The following SH3D19 variants were observed in gnomAD, a reference collection of about 807,000 sequenced individuals.
SH3D19 encodes the protein SH3 domain containing 19, also known as SH3 domain-containing protein 19.
SH3D19 carries 58 observed loss-of-function variants against 112.1 expected under a neutral mutation model. The observed-to-expected ratio is 0.52, with a 90% CI of 0.42 to 0.64. SH3D19 has a LOEUF of 0.64. SH3D19 is among the 30% of genes least tolerant of loss of function. SH3D19 has a pLI of 0.00. For synonymous variants in SH3D19, 391 were observed against 448.5 expected (o/e 0.87, Z 1.62); for missense variants, 1,090 against 1,263.4 (o/e 0.86, Z 2.08).
At chr4:151,238,677 C>T (rs536173687) in intron 1 of SH3D19, among the ~76,000 whole-genome samples, 5 of 152,040 alleles carry the variant, frequency 3.3e-5, no homozygotes, top group Non-Finnish European at 5.9e-5. Flanking sequence ...AGGATTCTTC[C>T]GATCTGTGAC....
chr4:151,291,226 A>C (rs1431922720), intron 1 of SH3D19: 1 of 1,613,874 alleles, frequency 6.2e-7, no homozygotes, highest in Admixed American at 1.7e-5. Flanking sequence ...AGTCTACACC[A>C]ATGTAATCTA....
intron 2 of SH3D19, among the ~76,000 whole-genome samples, chr4:151,218,413 G>GT (rs912244716): frequency 1.5e-4 from 22 of 150,246 alleles, no homozygotes; most frequent in African/African-American, 4.5e-4. Context: ...ACTATGCAGA[G>GT]TTTTTTTTTT....
intron 11 of SH3D19, among the ~76,000 whole-genome samples, chr4:151,147,409 C>T (rs1754122782): frequency 6.6e-6 from 1 of 150,652 alleles, no homozygotes; most frequent in African/African-American, 2.4e-5. Context: ...CCTGCTTTCT[C>T]TCCTCTTTCC....
At chr4:151,200,458 G>C (rs1343906467) in intron 2 of SH3D19, among the ~76,000 whole-genome samples, 1 of 151,976 alleles carries the variant, frequency 6.6e-6, no homozygotes, top group East Asian at 1.9e-4. Flanking sequence ...AATATTAAAG[G>C]TTCATCATTT....
chr4:151,265,770 G>C (rs111330688), intron 1 of SH3D19, among the ~76,000 whole-genome samples: 346 of 151,300 alleles, frequency 2.3e-3, no homozygotes, highest in African/African-American at 7.9e-3. Flanking sequence ...AGAGACATGG[G>C]GTTTCTCCAT....
At chr4:151,291,179 T>C (rs1775302176) in intron 1 of SH3D19, 1 of 1,613,820 alleles carries the variant, frequency 6.2e-7, no homozygotes, top group Admixed American at 1.7e-5. Context: ...ACAGGAGTAG[T>C]AAGCTGGGGA....
At chr4:151,162,420 G>T (rs1202442289) in intron 8 of SH3D19, among the ~76,000 whole-genome samples, 1 of 151,356 alleles carries the variant, frequency 6.6e-6, no homozygotes, top group Non-Finnish European at 1.5e-5. Context: ...CGAACTCCTA[G>T]AATTCAATTT....
At chr4:151,324,713 G>C (rs1343079183) in intron 1 of SH3D19, among the ~76,000 whole-genome samples, 1 of 151,494 alleles carries the variant, frequency 6.6e-6, no homozygotes, top group Non-Finnish European at 1.5e-5. Flanking sequence ...CTTTGCGTGG[G>C]GGAGGGTCTC....
chr4:151,277,587 G>C (rs1773763828), intron 1 of SH3D19, among the ~76,000 whole-genome samples: 1 of 152,156 alleles, frequency 6.6e-6, no homozygotes, highest in Admixed American at 6.5e-5. Flanking sequence ...GCCTCACTAA[G>C]AAGGAGTCAT....
At chr4:151,305,836 A>C (rs1263118624) in intron 1 of SH3D19, among the ~76,000 whole-genome samples, 1 of 152,210 alleles carries the variant, frequency 6.6e-6, no homozygotes, top group Non-Finnish European at 1.5e-5. Context: ...TGTTTACAGC[A>C]GCTTATTCAT....
intron 1 of SH3D19, among the ~76,000 whole-genome samples, chr4:151,309,306 T>C (rs928637034): frequency 4.6e-5 from 7 of 152,194 alleles, no homozygotes; most frequent in Non-Finnish European, 1.0e-4. Flanking sequence ...CAATGATAAC[T>C]CACCACACTG....
intron 1 of SH3D19, among the ~76,000 whole-genome samples, chr4:151,306,430 C>T (rs6535787): frequency 0.57 from 86,112 of 151,960 alleles, 25,229 homozygotes; most frequent in African/African-American, 0.72. Context: ...GTTCCTGACA[C>T]ATATTTAGTA....
chr4:151,267,164 A>T (rs1051359971), intron 1 of SH3D19, among the ~76,000 whole-genome samples: 3 of 86,764 alleles, frequency 3.5e-5, no homozygotes, highest in Admixed American at 1.2e-4. Flanking sequence ...CTCTAAAAAA[A>T]AAAAAAAATA....
chr4:151,282,747 T>C (rs1774374421), intron 1 of SH3D19, among the ~76,000 whole-genome samples: 1 of 151,850 alleles, frequency 6.6e-6, no homozygotes, highest in Non-Finnish European at 1.5e-5. Flanking sequence ...AAGTTTTACG[T>C]CAACTCTTTC....
intron 2 of SH3D19, among the ~76,000 whole-genome samples, chr4:151,201,896 CAGATA>C (rs1357305626): frequency 6.6e-6 from 1 of 150,914 alleles, no homozygotes; most frequent in Non-Finnish European, 1.5e-5. Context: ...CCTGTAATCT[CAGATA>C]ATGGAGAGGT....
At chr4:151,325,124 A>T in intron 1 of SH3D19, 117 bp downstream of exon 1, 1 of 473,604 alleles carries the variant, frequency 2.1e-6, no homozygotes, top group Non-Finnish European at 3.3e-6. Context: ...TCTGAGAGTT[A>T]AAGAAGCCGG....
chr4:151,279,732 A>G, intron 1 of SH3D19: 1 of 1,476,014 alleles, frequency 6.8e-7, no homozygotes, highest in African/African-American at 1.4e-5. Flanking sequence ...GAATGATGAT[A>G]AGGTGGGGAC....
intron 2 of SH3D19, among the ~76,000 whole-genome samples, chr4:151,225,360 A>G (rs1768823672): frequency 6.6e-6 from 1 of 152,236 alleles, no homozygotes; most frequent in South Asian, 2.1e-4. Context: ...AGTCCTGCCT[A>G]TGAGAAGTCA....
chr4:151,292,365 C>G (rs993237361), intron 1 of SH3D19, among the ~76,000 whole-genome samples: 7 of 151,812 alleles, frequency 4.6e-5, no homozygotes, highest in Non-Finnish European at 8.8e-5. Context: ...CTATATTTTT[C>G]TTAAGTTTTT....
Sources: gnomAD v4.1 joint callset for allele counts (sites outside exome capture counted in the v4.1 genomes callset) on GRCh38, gnomAD v4.1.1 for gene constraint, MANE v1.5 for transcripts, NCBI Gene and HGNC (gene_info 2026-07-23, HGNC 2026-07-21) for gene names.